Variants in GSAP observed in about 807,000 individuals in gnomAD.
The protein encoded by GSAP is gamma-secretase activating protein.
A neutral mutation model predicts 131.7 loss-of-function variants in GSAP; 118 were observed. The ratio of observed to expected loss-of-function variants is 0.90; its 90% CI spans 0.77 to 1.04. The LOEUF (loss-of-function observed/expected upper bound fraction) is 1.04, where lower values mean the gene tolerates loss of function less well. GSAP is among the 50% of genes least tolerant of loss of function. The pLI is 0.00. For missense variants in GSAP, 1,019 were observed against 1,013.2 expected, an observed-to-expected ratio of 1.01 and a Z score of -0.08; for synonymous variants, 381 against 363.4, an observed-to-expected ratio of 1.05 and a Z score of -0.55.
intron 28 of GSAP, among the ~76,000 whole-genome samples, chr7:77,312,560 G>C (rs1350871400): frequency 6.6e-6 from 1 of 152,216 alleles, no homozygotes; most frequent in Non-Finnish European, 1.5e-5. Context: ...CTCTGCCATT[G>C]TCTTGCCTAG....
intron 19 of GSAP, among the ~76,000 whole-genome samples, chr7:77,340,106 A>G (rs1411820547): frequency 6.6e-6 from 1 of 152,142 alleles, no homozygotes; most frequent in Non-Finnish European, 1.5e-5. Context: ...ATCTTAACTG[A>G]GCGATTAACC....
chr7:77,311,364 G>A lies in GSAP; in HGVS notation c.2559C>T (p.Gly853=), dbSNP rs758623491. 1.3e-5 allele frequency: 21 copies of A among 1,594,906 alleles called. No individual in the cohort carries two copies. The highest frequency in any genetic ancestry group is 1.7e-5 in the Non-Finnish European group (20 of 1,162,834). ...TCCAATTGCGTTTTCTTTTTCATAA[G>A]CCTAAAAGCATCGCGGTGTGTTTCA... ...AALKHTAMLL[G]L Residue 853 remains glycine (G), a synonymous_variant, in exon 31 of 31, where the codon GGC becomes GGT. Transcript: ENST00000257626.
At chr7:77,415,885 C>T (rs949772572) in intron 1 of GSAP, 3 of 265,086 alleles carry the variant, frequency 1.1e-5, no homozygotes, top group African/African-American at 2.2e-5. Flanking sequence ...GAGCTGAGCA[C>T]GACCCTCTGC....
chr7:77,377,258 A>AAAAAAAAAAAAAAAAAAAGG, intron 9 of GSAP, 28 bp downstream of exon 9: 6 of 1,400,736 alleles, frequency 4.3e-6, no homozygotes, highest in South Asian at 1.8e-5. Flanking sequence ...AAAAAAAAAA[A>AAAAAAAAAAAAAAAAAAAGG]GGAGTGCCCG....
chr7:77,318,992 CCAA>C (rs1188645783), intron 26 of GSAP, among the ~76,000 whole-genome samples: 1 of 151,846 alleles, frequency 6.6e-6, no homozygotes, highest in African/African-American at 2.4e-5. Flanking sequence ...ATGCAGCATA[CCAA>C]CATGGCACAT....
intron 5 of GSAP, among the ~76,000 whole-genome samples, chr7:77,392,128 G>A (rs2151101378): frequency 6.6e-6 from 1 of 152,186 alleles, no homozygotes; most frequent in Middle Eastern, 3.4e-3. Flanking sequence ...AGGAGGCTGA[G>A]GCAGGAGAAT....
Position 77,409,345 on chromosome 7 carries a change from T to C in GSAP, c.110-3240A>G, listed in dbSNP as rs375704708. Among the ~76,000 whole-genome samples, 13 of 152,172 alleles carry C rather than the reference T, an allele frequency of 8.5e-5. No homozygotes were observed. In the East Asian group the frequency reaches 2.3e-3, roughly 27 times the overall value. On this transcript the variant is annotated intron_variant, in intron 1 of 30. Coordinates refer to ENST00000257626, the MANE Select transcript of GSAP (RefSeq NM_017439.4). ...TAATAATAATAAGCTTATGGCTAAG[T>C]AGGCCTTCACAATTTAGAGAGTTCT...
At chr7:77,353,325 T>C (rs1026139557) in intron 17 of GSAP, among the ~76,000 whole-genome samples, 4 of 152,118 alleles carry the variant, frequency 2.6e-5, no homozygotes, top group Admixed American at 2.6e-4. Flanking sequence ...AAAAAATCAC[T>C]AATAAGGTTA....
intron 3 of GSAP, among the ~76,000 whole-genome samples, chr7:77,399,656 TC>T (rs1329368186): frequency 1.4e-5 from 2 of 144,900 alleles, no homozygotes; most frequent in Admixed American, 7.3e-5. Flanking sequence ...ATACACTGCT[TC>T]CCATTTGCAT....
chr7:77,312,522 A>AG (rs1794504921), intron 28 of GSAP, among the ~76,000 whole-genome samples: 1 of 152,220 alleles, frequency 6.6e-6, no homozygotes, highest in South Asian at 2.1e-4. Context: ...CCGGAAACTA[A>AG]GGGGGGTACG....
At chr7:77,361,238 G>A (rs979846441) in intron 13 of GSAP, among the ~76,000 whole-genome samples, 13 of 152,158 alleles carry the variant, frequency 8.5e-5, no homozygotes, top group Admixed American at 8.5e-4. Context: ...ATTCCTCAAG[G>A]CTCACCGCCA....
In GSAP at chr7:77,355,265, G is replaced by A. The variant is rs773891698; in HGVS notation, c.1286C>T (p.Ala429Val). The change falls in exon 16 of 31, where the codon GCG becomes GTG. Residue 429 changes from alanine (A) to valine (V), a missense_variant. Ala to Val is a moderately conservative substitution (Grantham distance 64). Transcript: ENST00000257626. The part of the protein sequence containing the change: ...NTCLDCEKMA[A>V]LHCALYCGQG... ...ACCGCAGTAGAGCGCGCAGTGCAAC[G>A]CAGCCATCTTCTCACAGTCTAAGCA... 5.7e-5 allele frequency: 92 copies of A among 1,613,966 alleles called. No homozygotes were observed. Among genetic ancestry groups the A allele is most frequent in the Middle Eastern group, 1.6e-4 (1 of 6,062 alleles).
chr7:77,413,210 G>A (rs1803608570), intron 1 of GSAP, among the ~76,000 whole-genome samples: 1 of 152,228 alleles, frequency 6.6e-6, no homozygotes, highest in South Asian at 2.1e-4. Flanking sequence ...CAGTAGCAAC[G>A]CAGGCCCAAT....
intron 1 of GSAP, among the ~76,000 whole-genome samples, chr7:77,412,327 TA>T (rs994588863): frequency 9.9e-5 from 15 of 151,908 alleles, no homozygotes; most frequent in African/African-American, 2.2e-4. Context: ...TTAATTTTTT[TA>T]AAAAAAATTG....
At chr7:77,390,789 A>C (rs71573346) in intron 5 of GSAP, among the ~76,000 whole-genome samples, 1 of 151,090 alleles carries the variant, frequency 6.6e-6, no homozygotes, top group African/African-American at 2.4e-5. Flanking sequence ...CAAATCAATT[A>C]CAAAAAAAAA....
chr7:77,332,106 A>C (rs959207588), intron 19 of GSAP, among the ~76,000 whole-genome samples: 1 of 152,136 alleles, frequency 6.6e-6, no homozygotes, highest in Non-Finnish European at 1.5e-5. Flanking sequence ...CCACCCACGC[A>C]GTTCACCCAG....
In GSAP at chr7:77,356,713, A is replaced by G. The variant is rs185208680; in HGVS notation, c.1028-1066T>C. ...GGAAGGGTGGAAGTAGCCCTTGCCAATACTTTTTCTAGGATCTTAGAAAAC... is the reference window on the plus strand; with the variant it reads ...GGAAGGGTGGAAGTAGCCCTTGCCAGTACTTTTTCTAGGATCTTAGAAAAC... On this transcript the variant is annotated intron_variant, in intron 14 of 30. Coordinates refer to ENST00000257626, the MANE Select transcript of GSAP (RefSeq NM_017439.4). 5.1e-3 allele frequency among the ~76,000 whole-genome samples: 772 copies of G among 152,348 alleles called. 4 individuals are homozygous for G. The highest frequency in any genetic ancestry group is 8.6e-3 in the Non-Finnish European group (582 of 68,022).
intron 5 of GSAP, among the ~76,000 whole-genome samples, chr7:77,396,538 G>A (rs1418224446): frequency 3.3e-5 from 5 of 152,176 alleles, no homozygotes; most frequent in Admixed American, 6.5e-5. Context: ...GGGCCAGGGA[G>A]CATCACATAG....
rs974869116 is a variant in GSAP, at chr7:77,397,327, C to T, written c.313+19G>A. On this transcript the variant is annotated intron_variant, in intron 4 of 30. Coordinates refer to ENST00000257626, the MANE Select transcript of GSAP (RefSeq NM_017439.4). ...ATGTAGTTCAGTTCTTGACATGTAG[C>T]AATAAGAGCTCAACTTACCAAGCAA... The T allele has an allele frequency of 7.4e-6, 11 of 1,479,984 alleles. No individual in the cohort carries two copies. Among genetic ancestry groups the T allele is most frequent in the Non-Finnish European group, 1.0e-5 (11 of 1,068,288 alleles). The allele number at this position is 1,479,984 out of a possible 1,614,324, so 91.7% of individuals were successfully genotyped here. A position where few individuals can be genotyped will look rare whatever the true frequency, so the allele number is the denominator to read the frequency against.
Sources: allele counts gnomAD v4.1 joint callset (sites outside exome capture counted in the v4.1 genomes callset), GRCh38; gene constraint gnomAD v4.1.1; transcripts MANE v1.5; gene names NCBI Gene and HGNC (gene_info 2026-07-23, HGNC 2026-07-21).